Variants in BCL2L12 observed in about 807,000 individuals in gnomAD.
BCL2L12 encodes the protein bcl-2-like protein 12.
In BCL2L12, 27 loss-of-function variants were observed where a neutral mutation model predicts 25.7. The ratio of observed to expected loss-of-function variants is 1.05; its 90% CI spans 0.78 to 1.45. The LOEUF (loss-of-function observed/expected upper bound fraction) is 1.45, where lower values mean the gene tolerates loss of function less well. Ranked by LOEUF, BCL2L12 falls within the 40% of genes most tolerant of loss-of-function variation. BCL2L12 has a pLI of 0.00. For missense variants in BCL2L12, 302 were observed against 329.8 expected (o/e 0.92, Z 0.65); for synonymous variants, 132 against 145.6 (o/e 0.91, Z 0.67).
Position 49,667,132 on chromosome 19 carries a change from C to G in BCL2L12, c.221C>G (p.Pro74Arg). ...PSESPRPCSL[P>R]IRPCYGLEPG... ...GAGTCCCCTCGGCCTTGCTCTCTGC[C>G]CATCCGCCCCTGCTATGGTTTAGAG... is the stretch of plus-strand genomic sequence containing the variant. Residue 74 changes from proline to arginine, a missense_variant, in exon 3 of 7, where the codon CCC (proline) becomes CGC (arginine). Transcript: ENST00000246784. 6.2e-7 allele frequency: 1 copy of G among 1,613,950 alleles called. No homozygotes were observed. Among genetic ancestry groups the G allele is most frequent in the Non-Finnish European group, 8.5e-7 (1 of 1,179,986 alleles).
Position 49,670,251 on chromosome 19 carries a change from C to T in BCL2L12, c.465C>T (p.Val155=), listed in dbSNP as rs758693342. The T allele has an allele frequency of 1.9e-6, 3 of 1,609,552 alleles. No individual in the cohort carries two copies. Among genetic ancestry groups the T allele is most frequent in the African/African-American group, 1.3e-5 (1 of 75,002 alleles). ...ACCCCGCCCTGCGCAGCAAGCTGGTCCGCCTGTCCTCCGACTCTTTCGCCC... is the reference window on the plus strand; with the variant it reads ...ACCCCGCCCTGCGCAGCAAGCTGGTTCGCCTGTCCTCCGACTCTTTCGCCC... The part of the protein sequence containing the change: ...ASDPALRSKL[V]RLSSDSFARL... Residue 155 remains valine, a synonymous_variant, in exon 6 of 7, where the codon GTC becomes GTT. Coordinates refer to ENST00000246784, the MANE Select transcript of BCL2L12 (RefSeq NM_138639.2).
chr19:49,665,691 G>C, upstream of BCL2L12: 1 of 1,253,980 alleles, frequency 8.0e-7, no homozygotes, highest in South Asian at 1.5e-5. Context: ...GGAGCTCCGG[G>C]TAGCTCTCAA....
Position 49,673,866 on chromosome 19 carries a change from T to G in BCL2L12, c.*118T>G. On this transcript the variant is annotated 3_prime_UTR_variant, in exon 7 of 7. Transcript: ENST00000246784. The stretch of plus-strand genomic sequence containing the variant: ...GGGTGGTGGTTGCCCTACCTGTTTT[T>G]GCCAAAAATAAATTGTTTAAAACTT... 2.6e-6 allele frequency: 3 copies of G among 1,173,034 alleles called. No individual in the cohort carries two copies. Among genetic ancestry groups the G allele is most frequent in the Admixed American group, 4.6e-5 (2 of 43,288 alleles). The allele number at this position is 1,173,034 out of a possible 1,614,324, so 72.7% of individuals were successfully genotyped here. A position where few individuals can be genotyped will look rare whatever the true frequency, so the allele number is the denominator to read the frequency against.
At chr19:49,666,156 A>T in intron 1 of BCL2L12, 89 bp downstream of exon 1, 1 of 1,453,020 alleles carries the variant, frequency 6.9e-7, no homozygotes, top group Non-Finnish European at 9.2e-7. Flanking sequence ...CGCTTCTCTG[A>T]TATCCAAGGG....
intron 1 of BCL2L12, 124 bp downstream of exon 1, chr19:49,666,191 G>A: frequency 7.6e-7 from 1 of 1,315,174 alleles, no homozygotes; most frequent in Non-Finnish European, 1.0e-6. Flanking sequence ...GATTCCAGCA[G>A]GGGTCGGAGA....
At chr19:49,669,229 G>A (rs1053761500) in intron 5 of BCL2L12, 114 bp downstream of exon 5, 2 of 1,500,514 alleles carry the variant, frequency 1.3e-6, no homozygotes, top group African/African-American at 2.8e-5. Context: ...AAAGAGGCTG[G>A]GACAAGGTTT....
In BCL2L12 at chr19:49,670,383, CA is replaced by C. The variant is rs1216575742; in HGVS notation, c.598del (p.Met200TrpfsTer3). ...PEPLARLALA[M>X]ELSRRVAGLG... Reference sequence around the variant, plus strand: ...AGCCCCTGGCCCGCCTGGCCCTAGCCATGGAGCTGAGCCGGCGCGTGGCCGG... The same window carrying C: ...AGCCCCTGGCCCGCCTGGCCCTAGCCTGGAGCTGAGCCGGCGCGTGGCCGG... On this transcript the variant is annotated frameshift_variant, in exon 6 of 7. Coordinates refer to ENST00000246784, the MANE Select transcript of BCL2L12 (RefSeq NM_138639.2). LOFTEE classifies it high-confidence loss of function. 2 of 1,574,336 alleles carry C rather than the reference CA, an allele frequency of 1.3e-6. No individual in the cohort carries two copies. The highest frequency in any genetic ancestry group is 1.8e-5 in the Admixed American group (1 of 54,242).
rs764609641 is a variant in BCL2L12 at position 49,666,866 on chromosome 19, G to A, written c.107+67G>A. The A allele has an allele frequency of 3.3e-5, 50 of 1,515,958 alleles. No individual in the cohort carries two copies. The South Asian group carries it at 3.9e-4, about 12-fold the overall frequency. The allele number at this position is 1,515,958 out of a possible 1,614,324, so 93.9% of individuals were successfully genotyped here. A position where few individuals can be genotyped will look rare whatever the true frequency, so the allele number is the denominator to read the frequency against. On this transcript the variant is annotated intron_variant, in intron 2 of 6. Transcript: ENST00000246784. ...GGCTCCCTCCTAACTCTTGCTCCTG[G>A]TCTCAGTCTGTCTCCTCTCTTTATA...
At chr19:49,669,406 C>T (rs148577029) in intron 5 of BCL2L12, among the ~76,000 whole-genome samples, 199 of 151,916 alleles carry the variant, frequency 1.3e-3, no homozygotes, top group African/African-American at 4.6e-3. Context: ...TGTGGTGGTG[C>T]GCTTCTGTAA....
At position 49,672,203 on chromosome 19, in the gene BCL2L12, T is replaced by G. The variant is rs1455540682; in HGVS notation, c.703-1495T>G. The G allele has an allele frequency of 6.6e-6, 1 of 152,310 alleles. No individual in the cohort carries two copies. The highest frequency in any genetic ancestry group is 1.5e-5 in the Non-Finnish European group (1 of 68,120). The allele number at this position is 152,310 out of a possible 1,614,324, so 9.4% of individuals were successfully genotyped here. On this transcript the variant is annotated intron_variant, in intron 6 of 6. Transcript: ENST00000246784. This position sits in a 1 kb window ranked among gnomAD's most constrained non-coding sequence, Gnocchi z 4.1. Reference sequence around the variant, plus strand: ...AGCGGCACTCTCCCCACTGGTCCAGTGAGCACCGTCTCATTTACCTGCCTT... The same window carrying G: ...AGCGGCACTCTCCCCACTGGTCCAGGGAGCACCGTCTCATTTACCTGCCTT...
intron 6 of BCL2L12, among the ~76,000 whole-genome samples, chr19:49,673,354 G>T (rs1463323630): frequency 1.3e-5 from 2 of 151,496 alleles, no homozygotes; most frequent in East Asian, 1.9e-4. Flanking sequence ...TTGGAATCTG[G>T]ATTTGTACAC....
rs1051511207 is a variant in BCL2L12 at position 49,672,173 on chromosome 19, C to G, written c.703-1525C>G. The G allele has an allele frequency of 6.6e-6, 1 of 152,322 alleles. No homozygotes were observed. Among genetic ancestry groups the G allele is most frequent in the African/African-American group, 2.4e-5 (1 of 41,440 alleles). 9.4% of individuals were successfully genotyped at this position (152,322 alleles called of 1,614,324 possible). On this transcript the variant is annotated intron_variant, in intron 6 of 6. Coordinates refer to ENST00000246784, the MANE Select transcript of BCL2L12 (RefSeq NM_138639.2). This position sits in a 1 kb window ranked among gnomAD's most constrained non-coding sequence, Gnocchi z 4.1. ...TGTGGCTTGGCGACTGTCGCAGTCT[C>G]CCTGAGCGGCACTCTCCCCACTGGT...
chr19:49,670,602 A>G (rs1387375383), intron 6 of BCL2L12, 114 bp downstream of exon 6: 7 of 1,385,232 alleles, frequency 5.1e-6, no homozygotes, highest in Non-Finnish European at 6.8e-6. Flanking sequence ...TCCCAGCTCC[A>G]CTGCGTTCGT....
chr19:49,667,536 A>G (rs2081841288), intron 3 of BCL2L12, among the ~76,000 whole-genome samples: 1 of 152,138 alleles, frequency 6.6e-6, no homozygotes, highest in African/African-American at 2.4e-5. Flanking sequence ...TTCCAATAGC[A>G]GAGTAGGAAT....
chr19:49,669,117 TGATGGGC>T lies in BCL2L12; in HGVS notation c.429+3_429+9del, dbSNP rs2081894689. The T allele has an allele frequency of 6.2e-7, 1 of 1,613,504 alleles. No individual in the cohort carries two copies. The highest frequency in any genetic ancestry group is 1.3e-5 in the African/African-American group (1 of 74,906). On this transcript the variant is annotated splice_donor_5th_base_variant and intron_variant, in intron 5 of 6. Coordinates refer to ENST00000246784, the MANE Select transcript of BCL2L12 (RefSeq NM_138639.2). ...GAGGCAGAAGTCATTAACCAGAAGG[TGATGGGC>T]ATCTGTCCCACTCCTTGGCAAGGAC...
intron 6 of BCL2L12, among the ~76,000 whole-genome samples, chr19:49,673,429 A>G (rs10411771): frequency 0.38 from 57,318 of 151,654 alleles, 13,255 homozygotes; most frequent in African/African-American, 0.66. Flanking sequence ...TCTGTCCCCC[A>G]ACTCTTCACT....
At chr19:49,670,087 A>T in intron 5 of BCL2L12, 129 bp from the exon 6 acceptor site, 1 of 1,265,688 alleles carries the variant, frequency 7.9e-7, no homozygotes. Flanking sequence ...ATTGGCTAAT[A>T]TGGATGAGGG....
chr19:49,665,863 T>G (rs748220773), upstream of BCL2L12: 3 of 1,609,948 alleles, frequency 1.9e-6, no homozygotes, highest in African/African-American at 2.7e-5. Flanking sequence ...CCTATGCCCT[T>G]TTTTGGGTTT....
At position 49,670,376 on chromosome 19, in the gene BCL2L12, C is replaced by A. The variant is rs2081934678; in HGVS notation, c.590C>A (p.Ala197Asp). Residue 197 changes from alanine (A) to aspartate (D), a missense_variant, in exon 6 of 7, where the codon GCC becomes GAC. Coordinates refer to ENST00000246784, the MANE Select transcript of BCL2L12 (RefSeq NM_138639.2). ...TCCCCGGAGCCCCTGGCCCGCCTGG[C>A]CCTAGCCATGGAGCTGAGCCGGCGC... ...PPSPEPLARL[A>D]LAMELSRRVA... 6.3e-7 allele frequency: 1 copy of A among 1,578,830 alleles called. No homozygotes were observed.
Sources: gnomAD v4.1 joint callset for allele counts (sites outside exome capture counted in the v4.1 genomes callset) on GRCh38, gnomAD v4.1.1 for gene constraint, Gnocchi (gnomAD v3.1) non-coding constraint, MANE v1.5 for transcripts, NCBI Gene and HGNC (gene_info 2026-07-23, HGNC 2026-07-21) for gene names.